Variants in TACR1 observed in about 807,000 individuals in gnomAD.
TACR1 encodes substance-P receptor.
In TACR1, 25 loss-of-function variants were observed where a neutral mutation model predicts 35.8. The observed-to-expected ratio is 0.70, with a 90% CI of 0.51 to 0.98. The LOEUF (loss-of-function observed/expected upper bound fraction) is 0.98. Among genes scored for constraint, TACR1 ranks in the 50% least tolerant of loss-of-function variants. TACR1 has a pLI of 0.00. For missense variants in TACR1, 478 were observed against 522.9 expected, an observed-to-expected ratio of 0.91 and a Z score of 0.84; for synonymous variants, 195 against 206.7, an observed-to-expected ratio of 0.94 and a Z score of 0.48.
intron 1 of TACR1, among the ~76,000 whole-genome samples, chr2:75,181,269 T>C (rs1049762506): frequency 6.6e-6 from 1 of 152,114 alleles, no homozygotes; most frequent in Non-Finnish European, 1.5e-5. Flanking sequence ...AATATGAATT[T>C]AAAAATTGAG....
At chr2:75,183,029 G>A (rs190761319) in intron 1 of TACR1, among the ~76,000 whole-genome samples, 140 of 152,248 alleles carry the variant, frequency 9.2e-4, no homozygotes, top group Non-Finnish European at 8.7e-4. Context: ...TTTGATTCTT[G>A]CCATTGTATC....
chr2:75,121,855 C>G lies in TACR1; in HGVS notation c.390-1087G>C, dbSNP rs112340681. ...TCAGGTGTCTCTGACGTCCATGCGA[C>G]AGAATGGTCAACGGAGACTTCAAAA... On this transcript the variant is annotated intron_variant, in intron 1 of 4. Coordinates refer to ENST00000305249, the MANE Select transcript of TACR1 (RefSeq NM_001058.4). Among the ~76,000 whole-genome samples the G allele has an allele frequency of 3.6e-3, 552 of 152,276 alleles. 2 individuals are homozygous for G. The highest frequency in any genetic ancestry group is 0.012 in the African/African-American group (518 of 41,558).
At chr2:75,097,817 T>C in intron 2 of TACR1, among the ~76,000 whole-genome samples, 1 of 152,204 alleles carries the variant, frequency 6.6e-6, no homozygotes, top group Non-Finnish European at 1.5e-5. Flanking sequence ...AAATGGAGCA[T>C]TTGGTCTCTC....
intron 1 of TACR1, among the ~76,000 whole-genome samples, chr2:75,191,362 G>A (rs188350753): frequency 5.9e-5 from 9 of 152,264 alleles, no homozygotes; most frequent in African/African-American, 1.9e-4. Context: ...CTAGTGGGGG[G>A]TGTTAGAGAA....
At chr2:75,155,950 A>G (rs956685766) in intron 1 of TACR1, among the ~76,000 whole-genome samples, 2 of 152,256 alleles carry the variant, frequency 1.3e-5, no homozygotes, top group Non-Finnish European at 2.9e-5. Context: ...AGTGAAGAAC[A>G]ATTTTTACAT....
Position 75,049,376 on chromosome 2 carries a change from A to C in TACR1, c.*56T>G. On this transcript the variant is annotated 3_prime_UTR_variant, in exon 5 of 5. Coordinates refer to ENST00000305249, the MANE Select transcript of TACR1 (RefSeq NM_001058.4). ...TTCCAGATGAAGGGAATTTCCATGCATGAAGGGAGGCAGGTCAAAGGCAGT... is the reference window on the plus strand; with the variant it reads ...TTCCAGATGAAGGGAATTTCCATGCCTGAAGGGAGGCAGGTCAAAGGCAGT... The C allele has an allele frequency of 1.3e-6, 2 of 1,554,712 alleles. No homozygotes were observed.
intron 2 of TACR1, among the ~76,000 whole-genome samples, chr2:75,079,387 A>G (rs912745168): frequency 1.3e-5 from 2 of 152,104 alleles, no homozygotes; most frequent in African/African-American, 4.8e-5. Context: ...CCAGATTTCT[A>G]TTCCCCAAAC....
At chr2:75,144,401 G>T (rs1674465300) in intron 1 of TACR1, among the ~76,000 whole-genome samples, 1 of 152,134 alleles carries the variant, frequency 6.6e-6, no homozygotes, top group South Asian at 2.1e-4. Flanking sequence ...AACTGAAGCT[G>T]CAAATTTATC....
At chr2:75,066,737 G>A (rs1480947996) in intron 2 of TACR1, among the ~76,000 whole-genome samples, 2 of 152,200 alleles carry the variant, frequency 1.3e-5, no homozygotes, top group South Asian at 2.1e-4. Flanking sequence ...AGACCATTAT[G>A]CCATGAGGCA....
chr2:75,119,014 G>C (rs1218402896), intron 2 of TACR1: 1 of 152,178 alleles, frequency 6.6e-6, no homozygotes, highest in Non-Finnish European at 1.5e-5. Context: ...AAATCCCACT[G>C]TCTGTGTCTG....
chr2:75,101,640 G>A (rs1056785873), intron 2 of TACR1, among the ~76,000 whole-genome samples: 1 of 152,062 alleles, frequency 6.6e-6, no homozygotes, highest in African/African-American at 2.4e-5. Context: ...ATAAATGCTA[G>A]GTTCTCTTTG....
chr2:75,152,498 G>A (rs1020041608), intron 1 of TACR1, among the ~76,000 whole-genome samples: 1 of 152,162 alleles, frequency 6.6e-6, no homozygotes, highest in Non-Finnish European at 1.5e-5. Context: ...CCATGATCCT[G>A]AGGTCTCCTA....
Position 75,051,598 on chromosome 2 carries a change from A to G in TACR1, c.736-151T>C, listed in dbSNP as rs536570975. On this transcript the variant is annotated intron_variant, in intron 3 of 4. Transcript: ENST00000305249. The stretch of plus-strand genomic sequence containing the variant: ...CCTTCAAGGAGGAGAAAGGATCTTT[A>G]CTATATGGTGCTACAAGACTTCGGT... 30 of 1,463,584 alleles carry G rather than the reference A, an allele frequency of 2.0e-5. No individual in the cohort carries two copies. In the Admixed American group the frequency reaches 5.8e-4, roughly 28 times the overall value. The allele number at this position is 1,463,584 out of a possible 1,614,324, so 90.7% of individuals were successfully genotyped here. A position where few individuals can be genotyped will look rare whatever the true frequency, so the allele number is the denominator to read the frequency against.
At chr2:75,155,927 T>A (rs1018821707) in intron 1 of TACR1, among the ~76,000 whole-genome samples, 7 of 152,254 alleles carry the variant, frequency 4.6e-5, no homozygotes, top group African/African-American at 1.4e-4. Context: ...CCTATTTTTT[T>A]ATATGGCTTC....
chr2:75,161,977 T>C (rs571947503), intron 1 of TACR1, among the ~76,000 whole-genome samples: 224 of 141,358 alleles, frequency 1.6e-3, no homozygotes, highest in Non-Finnish European at 2.7e-3. Context: ...CCAGAGGGAA[T>C]ATTAGATGAA....
At chr2:75,089,194 C>A (rs182030137) in intron 2 of TACR1, among the ~76,000 whole-genome samples, 1 of 152,158 alleles carries the variant, frequency 6.6e-6, no homozygotes, top group Admixed American at 6.5e-5. Flanking sequence ...GCTGTCATGA[C>A]CTTATATAGT....
At chr2:75,094,631 CATGATGGTGGTGGTG>C in intron 2 of TACR1, among the ~76,000 whole-genome samples, 1 of 151,370 alleles carries the variant, frequency 6.6e-6, no homozygotes, top group Non-Finnish European at 1.5e-5. Flanking sequence ...TGGAGATGGA[CATGATGGTGGTGGTG>C]ATGATGATGG....
chr2:75,105,745 C>G (rs1354735105), intron 2 of TACR1, among the ~76,000 whole-genome samples: 3 of 151,942 alleles, frequency 2.0e-5, no homozygotes, highest in African/African-American at 7.2e-5. Flanking sequence ...AAGAATGGAA[C>G]TCTACCTCTG....
intron 2 of TACR1, among the ~76,000 whole-genome samples, chr2:75,117,565 A>G (rs908642028): frequency 2.0e-5 from 3 of 152,308 alleles, no homozygotes; most frequent in East Asian, 3.9e-4. Flanking sequence ...ATTTTTACTT[A>G]CATCTCTCAA....
Sources: gnomAD v4.1 joint callset for allele counts (sites outside exome capture counted in the v4.1 genomes callset) on GRCh38, gnomAD v4.1.1 for gene constraint, MANE v1.5 for transcripts, NCBI Gene and HGNC (gene_info 2026-07-23, HGNC 2026-07-21) for gene names.